The following MYRIP variants were observed in gnomAD, a reference collection of about 807,000 sequenced individuals.
MYRIP encodes the protein myosin VIIA and Rab interacting protein, also known as rab effector MyRIP.
In MYRIP, 49 loss-of-function variants were observed where a neutral mutation model predicts 98.0. That is an observed-to-expected ratio of 0.50 (90% CI 0.40 to 0.63). The LOEUF is 0.63. Ranked by LOEUF, MYRIP falls within the 30% of genes least tolerant of loss-of-function variation. The probability of loss-of-function intolerance (pLI) is 0.00; values close to 1 mark genes in which losing one functional copy is unlikely to be tolerated. For synonymous variants in MYRIP, 404 were observed against 409.5 expected (o/e 0.99, Z 0.16); for missense variants, 1,004 against 1,058.2 (o/e 0.95, Z 0.71).
intron 2 of MYRIP, among the ~76,000 whole-genome samples, chr3:40,043,206 A>G (rs965748915): frequency 8.5e-5 from 13 of 152,250 alleles, no homozygotes; most frequent in African/African-American, 3.1e-4. Context: ...GTACTAAAAT[A>G]GTAAAAATTA....
chr3:39,878,014 G>T lies in MYRIP; in HGVS notation c.-30-22773G>T, dbSNP rs549839567. Among the ~76,000 whole-genome samples the T allele has an allele frequency of 8.7e-3, 1,325 of 152,166 alleles. 12 individuals carry two copies. The highest frequency in any genetic ancestry group is 0.03 in the African/African-American group (1,255 of 41,442). ...GGGCTCCACCCAGTTCGAGCTTCCCGGCTGCTTTGTTTACCTAAGCAAGCC... is the reference window on the plus strand; with the variant it reads ...GGGCTCCACCCAGTTCGAGCTTCCCTGCTGCTTTGTTTACCTAAGCAAGCC... On this transcript the variant is annotated intron_variant, in intron 1 of 16. Coordinates refer to ENST00000302541, the MANE Select transcript of MYRIP (RefSeq NM_015460.4).
intron 2 of MYRIP, among the ~76,000 whole-genome samples, chr3:39,902,904 G>A (rs2125672895): frequency 6.6e-6 from 1 of 152,306 alleles, no homozygotes; most frequent in Non-Finnish European, 1.5e-5. Context: ...AGTCTTAGTG[G>A]ACAGCAGTCA....
chr3:40,217,252 GA>G (rs1952150245), intron 11 of MYRIP, among the ~76,000 whole-genome samples: 1 of 152,044 alleles, frequency 6.6e-6, no homozygotes, highest in African/African-American at 2.4e-5. Context: ...TCCCAGTTCT[GA>G]GTCTCACACA....
At chr3:39,848,007 G>A (rs1227416787) in intron 1 of MYRIP, among the ~76,000 whole-genome samples, 8 of 152,152 alleles carry the variant, frequency 5.3e-5, no homozygotes, top group African/African-American at 1.9e-4. Context: ...CTCCAAAATT[G>A]TAATACCGTT....
chr3:39,905,491 A>G (rs1368672438), intron 2 of MYRIP, among the ~76,000 whole-genome samples: 1 of 152,162 alleles, frequency 6.6e-6, no homozygotes, highest in Non-Finnish European at 1.5e-5. Flanking sequence ...TCAAACTTAA[A>G]TAATAGATGG....
chr3:40,168,605 C>G (rs1381482318), intron 7 of MYRIP, among the ~76,000 whole-genome samples: 1 of 152,234 alleles, frequency 6.6e-6, no homozygotes, highest in Non-Finnish European at 1.5e-5. Context: ...AGTAGCTGCA[C>G]TTCAAGCTAT....
intron 2 of MYRIP, among the ~76,000 whole-genome samples, chr3:40,022,451 G>A (rs1260487052): frequency 6.6e-6 from 1 of 152,206 alleles, no homozygotes; most frequent in Non-Finnish European, 1.5e-5. Context: ...AGCATGTGGA[G>A]GAAAGGACAC....
At chr3:39,958,192 C>G (rs1294759344) in intron 2 of MYRIP, among the ~76,000 whole-genome samples, 1 of 151,986 alleles carries the variant, frequency 6.6e-6, no homozygotes, top group Non-Finnish European at 1.5e-5. Flanking sequence ...AAAGTTCATA[C>G]GGAACCAAAA....
Position 40,071,144 on chromosome 3 carries a change from C to A in MYRIP, c.332+26873C>A, listed in dbSNP as rs1948216048. 9 of 985,274 alleles carry A rather than the reference C, an allele frequency of 9.1e-6. No homozygotes were observed. The South Asian group carries it at 1.4e-4, about 15-fold the overall frequency. 61.0% of individuals were successfully genotyped at this position (985,274 alleles called of 1,614,324 possible). A position where few individuals can be genotyped will look rare whatever the true frequency, so the allele number is the denominator to read the frequency against. ...TTGATGTCCTCAACTGCAGTAGGAG[C>A]CATCTCCCTGACTTGTTCTGACCTG... On this transcript the variant is annotated intron_variant, in intron 3 of 16. Transcript: ENST00000302541.
At position 40,115,708 on chromosome 3, in the gene MYRIP, A is replaced by G. The variant is rs927619964; in HGVS notation, c.333-35340A>G. ...TCTATTCTCTTAGTTTACAGAAGAG[A>G]AACCTGAGATTTACAAAGTCCAAGG... On this transcript the variant is annotated intron_variant, in intron 3 of 16. Transcript: ENST00000302541. Among the ~76,000 whole-genome samples the G allele has an allele frequency of 2.0e-5, 3 of 152,200 alleles. No homozygotes were observed. The East Asian group carries it at 5.8e-4, about 29-fold the overall frequency.
At chr3:39,915,333 T>A (rs774410137) in intron 2 of MYRIP, among the ~76,000 whole-genome samples, 2 of 152,066 alleles carry the variant, frequency 1.3e-5, no homozygotes, top group Non-Finnish European at 2.9e-5. Flanking sequence ...TGATTTTGTA[T>A]AACCTAAGAT....
intron 2 of MYRIP, among the ~76,000 whole-genome samples, chr3:39,991,918 G>T (rs1053310140): frequency 2.0e-5 from 3 of 152,138 alleles, no homozygotes; most frequent in African/African-American, 7.2e-5. Context: ...CTAGAATAGT[G>T]CATAGTGCAC....
chr3:40,204,134 AT>A (rs1951710767), intron 10 of MYRIP, among the ~76,000 whole-genome samples: 3 of 41,230 alleles, frequency 7.3e-5, no homozygotes, highest in East Asian at 5.8e-4. Flanking sequence ...GTATTATATA[AT>A]ATATTATATA....
intron 1 of MYRIP, among the ~76,000 whole-genome samples, chr3:39,886,731 T>A (rs1171691893): frequency 5.3e-5 from 8 of 150,274 alleles, no homozygotes; most frequent in South Asian, 2.1e-4. Flanking sequence ...CTCCCACACA[T>A]TAATAATGGG....
chr3:39,914,250 A>G lies in MYRIP; in HGVS notation c.110+13324A>G, dbSNP rs575855284. On this transcript the variant is annotated intron_variant, in intron 2 of 16. Transcript: ENST00000302541. ...TGGCTCAACAAATAAGACGGATAAC[A>G]TTAATTAGGGCCTGTTAACTGACCA... Among the ~76,000 whole-genome samples the G allele has an allele frequency of 6.6e-5, 10 of 152,324 alleles. No homozygotes were observed. The South Asian group carries it at 1.9e-3, about 28-fold the overall frequency.
chr3:40,104,697 G>A (rs1949022215), intron 3 of MYRIP, among the ~76,000 whole-genome samples: 1 of 152,152 alleles, frequency 6.6e-6, no homozygotes, highest in Admixed American at 6.5e-5. Flanking sequence ...TTCCGTCTGA[G>A]TTATTTTTAA....
At chr3:39,916,222 T>G (rs943467601) in intron 2 of MYRIP, among the ~76,000 whole-genome samples, 1 of 152,000 alleles carries the variant, frequency 6.6e-6, no homozygotes, top group South Asian at 2.1e-4. Context: ...AATTTTTCAA[T>G]AAAAACCCCA....
intron 2 of MYRIP, among the ~76,000 whole-genome samples, chr3:39,989,878 T>G (rs1382244288): frequency 2.0e-5 from 3 of 152,334 alleles, no homozygotes; most frequent in Non-Finnish European, 2.9e-5. Flanking sequence ...GGGAAAAGCC[T>G]GGCCTGGAGC....
At chr3:39,879,081 T>TATATATATCTATATATCTATGTATATAG (rs1559506935) in intron 1 of MYRIP, among the ~76,000 whole-genome samples, 73 of 151,306 alleles carry the variant, frequency 4.8e-4, no homozygotes, top group Middle Eastern at 3.5e-3. Flanking sequence ...ATAATAATTT[T>TATATATATCTATATATCTATGTATATAG]ATATATATCT....
Sources: gnomAD v4.1 joint callset for allele counts (sites outside exome capture counted in the v4.1 genomes callset) on GRCh38, gnomAD v4.1.1 for gene constraint, MANE v1.5 for transcripts, NCBI Gene and HGNC (gene_info 2026-07-23, HGNC 2026-07-21) for gene names.